Variants in OR2A12 observed in about 807,000 individuals in gnomAD.
OR2A12 encodes the protein olfactory receptor 2A12.
For missense variants in OR2A12, 380 were observed against 372.5 expected (o/e 1.02, Z -0.17); for synonymous variants, 153 against 149.3 (o/e 1.02, Z -0.18).
chr7:144,092,131 C>G (rs2051231581), intron 1 of OR2A12, among the ~76,000 whole-genome samples: 1 of 152,090 alleles, frequency 6.6e-6, no homozygotes, highest in African/African-American at 2.4e-5. Flanking sequence ...TTGCTTTTTT[C>G]AGTCAGCTTT....
Position 144,097,546 on chromosome 7 carries a change from C to G in OR2A12, c.*1506C>G, listed in dbSNP as rs996319049. On this transcript the variant is annotated 3_prime_UTR_variant, in exon 2 of 2. Transcript: ENST00000641592. ...TTCAAGGGACCAAGGCTAGCTCAAACTCTATTAAAAGAGAAAGAGTACAAC... is the reference window on the plus strand; with the variant it reads ...TTCAAGGGACCAAGGCTAGCTCAAAGTCTATTAAAAGAGAAAGAGTACAAC... 6.6e-6 allele frequency: 1 copy of G among 152,104 alleles called. No individual in the cohort carries two copies. The highest frequency in any genetic ancestry group is 6.5e-5 in the Admixed American group (1 of 15,270). 9.4% of individuals were successfully genotyped at this position (152,104 alleles called of 1,614,324 possible). A position where few individuals can be genotyped will look rare whatever the true frequency, so the allele number is the denominator to read the frequency against.
Position 144,096,389 on chromosome 7 carries a change from G to A in OR2A12, c.*349G>A, listed in dbSNP as rs935741603. The A allele has an allele frequency of 2.3e-5, 4 of 176,376 alleles. No individual in the cohort carries two copies. Among genetic ancestry groups the A allele is most frequent in the East Asian group, 1.5e-4 (1 of 6,566 alleles). The allele number at this position is 176,376 out of a possible 1,614,324, so 10.9% of individuals were successfully genotyped here. On this transcript the variant is annotated 3_prime_UTR_variant, in exon 2 of 2. Transcript: ENST00000641592. Reference sequence around the variant, plus strand: ...GGAGAATCGTTTGAACCCAGGAGGCGGAGGTTGCACTGAGCCGAGATTGTA... The same window carrying A: ...GGAGAATCGTTTGAACCCAGGAGGCAGAGGTTGCACTGAGCCGAGATTGTA...
intron 1 of OR2A12, among the ~76,000 whole-genome samples, chr7:144,087,145 T>A (rs2051193220): frequency 6.6e-6 from 1 of 152,144 alleles, no homozygotes; most frequent in South Asian, 2.1e-4. Context: ...TGTTACATAG[T>A]TTTTCCTGTG....
At chr7:144,089,302 G>A (rs970904975) in intron 1 of OR2A12, among the ~76,000 whole-genome samples, 1 of 151,708 alleles carries the variant, frequency 6.6e-6, no homozygotes, top group Non-Finnish European at 1.5e-5. Flanking sequence ...CTCGGTGTGG[G>A]GGTGTGCGTG....
At chr7:144,088,323 T>C (rs138981476) in intron 1 of OR2A12, among the ~76,000 whole-genome samples, 1 of 152,322 alleles carries the variant, frequency 6.6e-6, no homozygotes, top group Non-Finnish European at 1.5e-5. Context: ...TTCTTCTGGA[T>C]TTTTGAGTTA....
rs1340595037 is a variant in OR2A12 at position 144,097,916 on chromosome 7, A to G, written c.*1876A>G. ...GAGAAGGATTTTTTAAACAATACAC[A>G]TAATTGCTATTGTGAAATAATATCT... On this transcript the variant is annotated 3_prime_UTR_variant, in exon 2 of 2. Coordinates refer to ENST00000641592, the MANE Select transcript of OR2A12 (RefSeq NM_001004135.2). 1.3e-5 allele frequency: 2 copies of G among 152,228 alleles called. No individual in the cohort carries two copies. Among genetic ancestry groups the G allele is most frequent in the African/African-American group, 2.4e-5 (1 of 41,454 alleles). 9.4% of individuals were successfully genotyped at this position (152,228 alleles called of 1,614,324 possible). A position where few individuals can be genotyped will look rare whatever the true frequency, so the allele number is the denominator to read the frequency against.
chr7:144,090,140 T>C (rs2051217502), intron 1 of OR2A12, among the ~76,000 whole-genome samples: 1 of 152,162 alleles, frequency 6.6e-6, no homozygotes, highest in Non-Finnish European at 1.5e-5. Flanking sequence ...TGAACTCTTC[T>C]TGTTGATGAG....
chr7:144,095,666 G>C lies in OR2A12; in HGVS notation c.559G>C (p.Ala187Pro), dbSNP rs1476457578. Residue 187 changes from alanine (A) to proline (P), a missense_variant, in exon 2 of 2, where the codon GCC becomes CCC. Coordinates refer to ENST00000641592, the MANE Select transcript of OR2A12 (RefSeq NM_001004135.2). ...TCAAATCATGTCCGTATTCAAATTG[G>C]CCTGTGCTGACACTAGGCTCAACCA... ...FCQIMSVFKL[A>P]CADTRLNQVV... 2 of 1,613,908 alleles carry C rather than the reference G, an allele frequency of 1.2e-6. No individual in the cohort carries two copies. The highest frequency in any genetic ancestry group is 1.7e-5 in the Admixed American group (1 of 59,988).
chr7:144,088,857 TA>T (rs2051206439), intron 1 of OR2A12, among the ~76,000 whole-genome samples: 1 of 152,194 alleles, frequency 6.6e-6, no homozygotes, highest in African/African-American at 2.4e-5. Flanking sequence ...GCTACTTTAT[TA>T]ATCAACATTA....
intron 1 of OR2A12, among the ~76,000 whole-genome samples, 183 bp from the exon 2 acceptor site, chr7:144,094,874 T>C (rs2051250103): frequency 6.6e-6 from 1 of 152,192 alleles, no homozygotes; most frequent in Non-Finnish European, 1.5e-5. Flanking sequence ...ACCAATTTTA[T>C]CATGAAATCG....
chr7:144,098,396 A>C lies in OR2A12; in HGVS notation c.*2356A>C, dbSNP rs2128803620. On this transcript the variant is annotated 3_prime_UTR_variant, in exon 2 of 2. Transcript: ENST00000641592. ...GACGACCAATAGGTATCCCCAGGAAAGTGTAAGCCTATCCACATTCTTCCT... is the reference window on the plus strand; with the variant it reads ...GACGACCAATAGGTATCCCCAGGAACGTGTAAGCCTATCCACATTCTTCCT... 1 of 152,278 alleles carries C rather than the reference A, an allele frequency of 6.6e-6. No individual in the cohort carries two copies. Among genetic ancestry groups the C allele is most frequent in the South Asian group, 2.1e-4 (1 of 4,820 alleles). 9.4% of individuals were successfully genotyped at this position (152,278 alleles called of 1,614,324 possible). A position where few individuals can be genotyped will look rare whatever the true frequency, so the allele number is the denominator to read the frequency against.
At chr7:144,092,399 C>T (rs189847729) in intron 1 of OR2A12, among the ~76,000 whole-genome samples, 267 of 151,996 alleles carry the variant, frequency 1.8e-3, no homozygotes, top group African/African-American at 6.0e-3. Flanking sequence ...AGAATATCAT[C>T]GGTAGTTTGA....
intron 1 of OR2A12, among the ~76,000 whole-genome samples, chr7:144,094,839 A>G (rs1299766939): frequency 6.6e-6 from 1 of 152,144 alleles, no homozygotes; most frequent in Non-Finnish European, 1.5e-5. Flanking sequence ...CAAATCTTCT[A>G]TTTTTCTCAA....
intron 1 of OR2A12, among the ~76,000 whole-genome samples, chr7:144,094,752 A>G (rs1006218052): frequency 1.3e-5 from 2 of 152,176 alleles, no homozygotes; most frequent in African/African-American, 4.8e-5. Context: ...ACAGTGGTAA[A>G]TGAAAGAGGA....
chr7:144,093,683 T>C (rs1364995938), intron 1 of OR2A12, among the ~76,000 whole-genome samples: 1 of 144,120 alleles, frequency 6.9e-6, no homozygotes, highest in East Asian at 2.1e-4. Flanking sequence ...TGTGTCCATG[T>C]GTTCTCATTG....
Position 144,095,761 on chromosome 7 carries a change from G to A in OR2A12, c.654G>A (p.Leu218=), listed in dbSNP as rs373234266. Residue 218 remains leucine (L), a synonymous_variant, in exon 2 of 2, where the codon TTG becomes TTA. Coordinates refer to ENST00000641592, the MANE Select transcript of OR2A12 (RefSeq NM_001004135.2). ...TCTGCCTGGTGCTGGTCTCCTACTT[G>A]CACATCCTGGTGGCCATCTTGAGGA... ...GPLCLVLVSY[L]HILVAILRIQ... is the part of the protein sequence containing the mutation. 6.8e-6 allele frequency: 11 copies of A among 1,614,006 alleles called. No individual in the cohort carries two copies. Among genetic ancestry groups the A allele is most frequent in the Non-Finnish European group, 9.3e-6 (11 of 1,180,034 alleles).
rs2051271919 is a variant in OR2A12 at position 144,097,250 on chromosome 7, A to G, written c.*1210A>G. ...TTAAAATGAAACTTGAAAAAACGCT[A>G]CCATACACAACAGGATTTAATTCTC... On this transcript the variant is annotated 3_prime_UTR_variant, in exon 2 of 2. Transcript: ENST00000641592. 6.6e-6 allele frequency: 1 copy of G among 152,144 alleles called. No homozygotes were observed. Among genetic ancestry groups the G allele is most frequent in the Non-Finnish European group, 1.5e-5 (1 of 68,020 alleles). The allele number at this position is 152,144 out of a possible 1,614,324, so 9.4% of individuals were successfully genotyped here. A position where few individuals can be genotyped will look rare whatever the true frequency, so the allele number is the denominator to read the frequency against.
At position 144,097,026 on chromosome 7, in the gene OR2A12, T is replaced by G. The variant is rs1340933279; in HGVS notation, c.*986T>G. 1 of 148,076 alleles carries G rather than the reference T, an allele frequency of 6.8e-6. No individual in the cohort carries two copies. Among genetic ancestry groups the G allele is most frequent in the Middle Eastern group, 3.4e-3 (1 of 294 alleles). 9.2% of individuals were successfully genotyped at this position (148,076 alleles called of 1,614,324 possible). On this transcript the variant is annotated 3_prime_UTR_variant, in exon 2 of 2. Transcript: ENST00000641592. Reference sequence around the variant, plus strand: ...CAAAAAGAACAAATACACCCATGCATGCGCACACACGCACACACGCACACA... The same window carrying G: ...CAAAAAGAACAAATACACCCATGCAGGCGCACACACGCACACACGCACACA...
At chr7:144,094,598 G>C (rs1404419201) in intron 1 of OR2A12, among the ~76,000 whole-genome samples, 1 of 152,138 alleles carries the variant, frequency 6.6e-6, no homozygotes, top group African/African-American at 2.4e-5. Flanking sequence ...TGTATTTGAA[G>C]TAGAGGAGAA....
Sources: gnomAD v4.1 joint callset for allele counts (sites outside exome capture counted in the v4.1 genomes callset) on GRCh38, gnomAD v4.1.1 for gene constraint, MANE v1.5 for transcripts, NCBI Gene and HGNC (gene_info 2026-07-23, HGNC 2026-07-21) for gene names.